The following ZBTB16 variants were observed in gnomAD, a reference collection of about 807,000 sequenced individuals.
ZBTB16 encodes zinc finger and BTB domain-containing protein 16.
In ZBTB16, 8 loss-of-function variants were observed where a neutral mutation model predicts 56.8. That is an observed-to-expected ratio of 0.14 (90% confidence interval 0.08 to 0.25). The LOEUF is 0.25. Among genes scored for constraint, ZBTB16 ranks in the 10% least tolerant of loss-of-function variants. The pLI is 1.00. For synonymous variants in ZBTB16, 363 were observed against 368.5 expected, an observed-to-expected ratio of 0.98 and a Z score of 0.17; for missense variants, 625 against 903.0, an observed-to-expected ratio of 0.69 and a Z score of 3.95.
intron 2 of ZBTB16, among the ~76,000 whole-genome samples, chr11:114,090,930 A>G (rs932635825): frequency 1.3e-5 from 2 of 152,118 alleles, no homozygotes; most frequent in African/African-American, 2.4e-5. Context: ...TCTGAGTTTC[A>G]GATTTCATCC....
rs7127587 is a variant in ZBTB16 at position 114,112,917 on chromosome 11, A to G, written c.1269-43420A>G. 6.3e-3 allele frequency among the ~76,000 whole-genome samples: 950 copies of G among 151,968 alleles called. 8 individuals are homozygous for G. The highest frequency in any genetic ancestry group is 0.021 in the African/African-American group (875 of 41,420). ...TAGCTGTGACTACAGGGAATGCACT[A>G]CCATACCTAGGTTTTTAAATTTTTT... On this transcript the variant is annotated intron_variant, in intron 2 of 6. Transcript: ENST00000335953.
At chr11:114,119,301 G>C (rs74953576) in intron 2 of ZBTB16, among the ~76,000 whole-genome samples, 1 of 148,672 alleles carries the variant, frequency 6.7e-6, no homozygotes, top group Non-Finnish European at 1.5e-5. Context: ...AAGAATTTAG[G>C]GGGCGTTGTT....
intron 2 of ZBTB16, among the ~76,000 whole-genome samples, chr11:114,125,129 A>G (rs1220873467): frequency 6.6e-6 from 1 of 152,230 alleles, no homozygotes; most frequent in Non-Finnish European, 1.5e-5. Context: ...CAGTGTCAGT[A>G]ACACACACTC....
chr11:114,156,611 G>A (rs1001472649), intron 3 of ZBTB16, among the ~76,000 whole-genome samples, 177 bp downstream of exon 3: 7 of 152,158 alleles, frequency 4.6e-5, no homozygotes, highest in Non-Finnish European at 1.0e-4. Flanking sequence ...CATCCTGATG[G>A]CGGGGCCACT....
intron 2 of ZBTB16, among the ~76,000 whole-genome samples, chr11:114,105,807 A>G (rs1047257786): frequency 2.0e-5 from 3 of 152,182 alleles, no homozygotes; most frequent in African/African-American, 7.2e-5. Context: ...GGTACCATAA[A>G]AGAGACATTT....
intron 2 of ZBTB16, among the ~76,000 whole-genome samples, chr11:114,082,981 A>G (rs1205735022): frequency 2.0e-5 from 3 of 152,220 alleles, no homozygotes; most frequent in Admixed American, 6.5e-5. Context: ...ATGGGGAGAT[A>G]AGGGCCCCAA....
rs750222546 is a variant in ZBTB16 at position 114,063,349 on chromosome 11, C to G, written c.49C>G (p.Pro17Ala). The G allele has an allele frequency of 3.1e-6, 5 of 1,614,004 alleles. No individual in the cohort carries two copies. Among genetic ancestry groups the G allele is most frequent in the Admixed American group, 1.7e-5 (1 of 60,000 alleles). Reference protein sequence around the residue: ...GMIQLQNPSHPTGLLCKANQM... With the variant: ...GMIQLQNPSHATGLLCKANQM... ...GATCCAGCTGCAGAACCCTAGCCAC[C>G]CCACGGGGCTACTGTGCAAGGCCAA... The change falls in exon 2 of 7, where the codon CCC becomes GCC. Residue 17 changes from proline to alanine, a missense_variant. By Grantham distance (27) the Pro-to-Ala change is conservative (BLOSUM62 -1). Coordinates refer to ENST00000335953, the MANE Select transcript of ZBTB16 (RefSeq NM_006006.6). This position sits in a 1 kb window ranked among gnomAD's most constrained non-coding sequence, Gnocchi z 6.5.
At chr11:114,211,202 A>C (rs1014076956) in intron 4 of ZBTB16, among the ~76,000 whole-genome samples, 1 of 152,194 alleles carries the variant, frequency 6.6e-6, no homozygotes, top group African/African-American at 2.4e-5. Context: ...GATTACAGGC[A>C]TGAGCCAAGT....
intron 2 of ZBTB16, among the ~76,000 whole-genome samples, chr11:114,146,200 C>T (rs1157703359): frequency 6.6e-6 from 1 of 151,978 alleles, no homozygotes; most frequent in Admixed American, 6.6e-5. Flanking sequence ...ACTCTGGGTA[C>T]CATCATTCAA....
intron 5 of ZBTB16, chr11:114,246,716 T>C (rs1944824095): frequency 1.1e-5 from 2 of 178,172 alleles, no homozygotes; most frequent in Admixed American, 1.1e-4. Flanking sequence ...AGGAAACAGC[T>C]ATGTAAGACT....
chr11:114,140,570 C>T (rs983292064), intron 2 of ZBTB16, among the ~76,000 whole-genome samples: 15 of 152,084 alleles, frequency 9.9e-5, no homozygotes, highest in African/African-American at 1.9e-4. Context: ...TGTAGCTCCT[C>T]GGCTGCCCAT....
intron 3 of ZBTB16, among the ~76,000 whole-genome samples, chr11:114,174,435 C>T (rs1943052587): frequency 6.6e-6 from 1 of 151,930 alleles, no homozygotes; most frequent in Admixed American, 6.6e-5. Context: ...AATCCCAGTA[C>T]TCTGGGAAGC....
Position 114,170,716 on chromosome 11 carries a change from TACTG to T in ZBTB16, c.1366+14286_1366+14289del, listed in dbSNP as rs138897251. Among the ~76,000 whole-genome samples the T allele has an allele frequency of 8.6e-3, 1,307 of 152,284 alleles. 22 individuals are homozygous for T. Among genetic ancestry groups the T allele is most frequent in the African/African-American group, 0.029 (1,226 of 41,562 alleles). ...TTGGATTAAACTTCAGCAGCTCTCT[TACTG>T]ACTATTATAAGCTAATTGAGCACAG... On this transcript the variant is annotated intron_variant, in intron 3 of 6. Transcript: ENST00000335953.
At chr11:114,069,736 A>C (rs910156669) in intron 2 of ZBTB16, among the ~76,000 whole-genome samples, 4 of 152,244 alleles carry the variant, frequency 2.6e-5, no homozygotes, top group South Asian at 2.1e-4. Flanking sequence ...TATGCTGTAG[A>C]ATAATGATAG....
At chr11:114,128,920 G>C (rs1941589083) in intron 2 of ZBTB16, among the ~76,000 whole-genome samples, 1 of 152,190 alleles carries the variant, frequency 6.6e-6, no homozygotes, top group African/African-American at 2.4e-5. Context: ...AATAGAGTTT[G>C]CAGGACCTCT....
At chr11:114,079,788 G>A (rs190984168) in intron 2 of ZBTB16, among the ~76,000 whole-genome samples, 107 of 152,354 alleles carry the variant, frequency 7.0e-4, no homozygotes, top group African/African-American at 2.4e-3. Flanking sequence ...ACTGGGGTGA[G>A]TGTTGGCCTC....
intron 2 of ZBTB16, among the ~76,000 whole-genome samples, chr11:114,070,968 G>C (rs905661976): frequency 6.6e-6 from 1 of 152,196 alleles, no homozygotes; most frequent in African/African-American, 2.4e-5. Context: ...GTAGTGGTGA[G>C]GCCAGGTCTA....
chr11:114,247,059 G>T, intron 5 of ZBTB16, 139 bp from the exon 6 acceptor site: 1 of 1,017,946 alleles, frequency 9.8e-7, no homozygotes. Flanking sequence ...ATGGAGGTGT[G>T]GCCGTGGATC....
At chr11:114,151,196 G>A (rs1027524417) in intron 2 of ZBTB16, among the ~76,000 whole-genome samples, 2 of 152,146 alleles carry the variant, frequency 1.3e-5, no homozygotes, top group African/African-American at 4.8e-5. Context: ...CTTTTGCACT[G>A]ATGAGGTCAA....
Sources: allele counts gnomAD v4.1 joint callset (sites outside exome capture counted in the v4.1 genomes callset), GRCh38; gene constraint gnomAD v4.1.1; non-coding constraint Gnocchi (gnomAD v3.1); transcripts MANE v1.5; gene names NCBI Gene and HGNC (gene_info 2026-07-23, HGNC 2026-07-21).